PRELID2: variants seen among roughly 807,000 people sequenced by gnomAD.
PRELID2 encodes the protein PRELI domain-containing protein 2.
Under a neutral mutation model 28.4 loss-of-function variants are expected in PRELID2, and 25 were observed. The ratio of observed to expected loss-of-function variants is 0.88; its 90% CI spans 0.64 to 1.23. The LOEUF is 1.23. Among genes scored for constraint, PRELID2 ranks in the 50% most tolerant of loss-of-function variants. The pLI is 0.00. For synonymous variants in PRELID2, 76 were observed against 71.6 expected, an observed-to-expected ratio of 1.06 and a Z score of -0.31; for missense variants, 201 against 214.4, an observed-to-expected ratio of 0.94 and a Z score of 0.39.
In PRELID2 at chr5:145,567,628, T is replaced by C. The variant is rs188083139; in HGVS notation, n.71-94313A>G. Among the ~76,000 whole-genome samples the C allele has an allele frequency of 6.5e-3, 993 of 152,290 alleles. 40 individuals carry two copies. Among genetic ancestry groups the C allele is most frequent in the Admixed American group, 0.058 (889 of 15,294 alleles). ...CCTGACCTCAAGTGATCTACCCACC[T>C]CAGCCTCCCAAAGTGCTGGGATTAC... On this transcript the variant is annotated intron_variant and non_coding_transcript_variant, in intron 1 of 2. Transcript: ENST00000510259.
chr5:145,640,599 G>T lies in PRELID2; in HGVS notation n.70+124332C>A, dbSNP rs1299052029. Among the ~76,000 whole-genome samples the T allele has an allele frequency of 2.7e-5, 4 of 148,072 alleles. No individual in the cohort carries two copies. The South Asian group carries it at 6.4e-4, about 24-fold the overall frequency. On this transcript the variant is annotated intron_variant and non_coding_transcript_variant, in intron 1 of 2. Transcript: ENST00000510259. Reference sequence around the variant, plus strand: ...GCGGAGCTTGCAGTGATCCGAGATCGCGCCACTGCACCCCAGCCTGGGCTA... The same window carrying T: ...GCGGAGCTTGCAGTGATCCGAGATCTCGCCACTGCACCCCAGCCTGGGCTA...
intron 1 of PRELID2, among the ~76,000 whole-genome samples, chr5:145,747,211 C>T (rs190161179): frequency 1.4e-5 from 2 of 140,396 alleles, no homozygotes; most frequent in South Asian, 4.6e-4. Flanking sequence ...ATAGAGACAT[C>T]AAAAACCCTC....
At chr5:145,608,980 TTGTC>T (rs1753568292) in intron 1 of PRELID2, among the ~76,000 whole-genome samples, 1 of 152,218 alleles carries the variant, frequency 6.6e-6, no homozygotes, top group Non-Finnish European at 1.5e-5. Context: ...CTCTTTATCT[TTGTC>T]TGACGGAGTT....
At chr5:145,652,160 G>A (rs538053236) in intron 1 of PRELID2, among the ~76,000 whole-genome samples, 1 of 152,144 alleles carries the variant, frequency 6.6e-6, no homozygotes, top group Admixed American at 6.5e-5. Flanking sequence ...ATCAGGGATT[G>A]AAGATCAAAT....
At chr5:145,307,892 C>G in the PRELID2 span, among the ~76,000 whole-genome samples, 1 of 152,138 alleles carries the variant, frequency 6.6e-6, no homozygotes, top group African/African-American at 2.4e-5. Flanking sequence ...GGTCATTTAC[C>G]AGGCCACCTG....
the PRELID2 span, among the ~76,000 whole-genome samples, chr5:145,445,681 A>T: frequency 6.6e-6 from 1 of 152,012 alleles, no homozygotes; most frequent in Non-Finnish European, 1.5e-5. Context: ...CAGCAAAAAA[A>T]TTAATAAATA....
chr5:145,444,705 C>T, the PRELID2 span, among the ~76,000 whole-genome samples: 2 of 151,942 alleles, frequency 1.3e-5, no homozygotes, highest in Non-Finnish European at 2.9e-5. Flanking sequence ...TATACAGCTA[C>T]ACAATGAGAG....
rs1757413067 is a variant in PRELID2, at chr5:145,760,328, A to G, written c.*208T>C. 1 of 152,118 alleles carries G rather than the reference A, an allele frequency of 6.6e-6. No homozygotes were observed. Among genetic ancestry groups the G allele is most frequent in the Non-Finnish European group, 1.5e-5 (1 of 68,026 alleles). 9.4% of individuals were successfully genotyped at this position (152,118 alleles called of 1,614,324 possible). The stretch of plus-strand genomic sequence containing the variant: ...CCAGCAAGAAGGTCTTATCTCCCTG[A>G]GTCCCACTATTCGAAGCAGGCTCCC... On this transcript the variant is annotated 3_prime_UTR_variant, in exon 7 of 7. Coordinates refer to ENST00000683046, the MANE Select transcript of PRELID2 (RefSeq NM_205846.3).
chr5:145,532,693 C>A (rs1317317021), intron 1 of PRELID2, among the ~76,000 whole-genome samples: 1 of 152,058 alleles, frequency 6.6e-6, no homozygotes, highest in Non-Finnish European at 1.5e-5. Context: ...TTAGATTCCA[C>A]ATACAAGTGA....
At chr5:145,680,737 T>G (rs1227524219) in intron 1 of PRELID2, among the ~76,000 whole-genome samples, 1 of 152,212 alleles carries the variant, frequency 6.6e-6, no homozygotes, top group Non-Finnish European at 1.5e-5. Flanking sequence ...AAATTCCCTT[T>G]TATTTGCTTA....
intron 1 of PRELID2, among the ~76,000 whole-genome samples, chr5:145,535,068 T>G (rs540582178): frequency 1.3e-5 from 2 of 152,072 alleles, no homozygotes; most frequent in South Asian, 4.1e-4. Flanking sequence ...AGACCTTGCA[T>G]AGGCTTAGGA....
intron 1 of PRELID2, among the ~76,000 whole-genome samples, chr5:145,578,457 T>G (rs551891976): frequency 3.4e-4 from 51 of 151,994 alleles, no homozygotes; most frequent in African/African-American, 1.2e-3. Flanking sequence ...TTCCCCTGGG[T>G]CAAAGGTAAA....
At chr5:145,659,608 G>A (rs768398893) in intron 1 of PRELID2, among the ~76,000 whole-genome samples, 1 of 152,166 alleles carries the variant, frequency 6.6e-6, no homozygotes, top group Non-Finnish European at 1.5e-5. Context: ...GTGGGAAAGG[G>A]ACTCACTGGC....
the PRELID2 span, among the ~76,000 whole-genome samples, chr5:145,308,733 T>A: frequency 1.4e-4 from 22 of 152,258 alleles, no homozygotes; most frequent in African/African-American, 5.3e-4. Flanking sequence ...TAATGACATA[T>A]ATTTTCTAGA....
intron 1 of PRELID2, among the ~76,000 whole-genome samples, chr5:145,671,651 A>C (rs1490435301): frequency 1.3e-5 from 2 of 152,212 alleles, no homozygotes; most frequent in African/African-American, 2.4e-5. Flanking sequence ...CATCCACAGC[A>C]GACATCATTA....
chr5:145,292,547 G>T, the PRELID2 span, among the ~76,000 whole-genome samples: 2 of 152,066 alleles, frequency 1.3e-5, no homozygotes, highest in Non-Finnish European at 2.9e-5. Flanking sequence ...GCAAATATTT[G>T]GTAAGTGAAA....
intron 1 of PRELID2, among the ~76,000 whole-genome samples, chr5:145,694,534 T>C (rs960666299): frequency 1.3e-5 from 2 of 152,206 alleles, no homozygotes; most frequent in African/African-American, 2.4e-5. Flanking sequence ...CTTCAGACTT[T>C]GCTGGAAATT....
rs927325912 is a variant in PRELID2, at chr5:145,759,550, A to C, written c.*986T>G. The C allele has an allele frequency of 4.6e-5, 7 of 152,196 alleles. No individual in the cohort carries two copies. Among genetic ancestry groups the C allele is most frequent in the Non-Finnish European group, 1.0e-4 (7 of 68,032 alleles). The allele number at this position is 152,196 out of a possible 1,614,324, so 9.4% of individuals were successfully genotyped here. A position where few individuals can be genotyped will look rare whatever the true frequency, so the allele number is the denominator to read the frequency against. ...GTGTGCTAGGTACTTCATAGGCATG[A>C]TCTCAAATCAGTCCAACAATCTCAC... is the stretch of plus-strand genomic sequence containing the variant. On this transcript the variant is annotated 3_prime_UTR_variant, in exon 7 of 7. Coordinates refer to ENST00000683046, the MANE Select transcript of PRELID2 (RefSeq NM_205846.3).
the PRELID2 span, among the ~76,000 whole-genome samples, chr5:145,418,936 A>C: frequency 6.9e-6 from 1 of 144,988 alleles, no homozygotes; most frequent in Non-Finnish European, 1.5e-5. Context: ...GTGTCCATGT[A>C]ATCTCATTGT....
Sources: allele counts gnomAD v4.1 joint callset (sites outside exome capture counted in the v4.1 genomes callset), GRCh38; gene constraint gnomAD v4.1.1; transcripts MANE v1.5; gene names NCBI Gene and HGNC (gene_info 2026-07-23, HGNC 2026-07-21).